Variants in ATP10D observed in about 807,000 individuals in gnomAD.
The protein encoded by ATP10D is phospholipid-transporting ATPase VD.
In ATP10D, 89 loss-of-function variants were observed where a neutral mutation model predicts 144.8. The observed-to-expected ratio is 0.61, with a 90% CI of 0.52 to 0.73. The LOEUF (loss-of-function observed/expected upper bound fraction) is 0.73, where lower values mean the gene tolerates loss of function less well. Ranked by LOEUF, ATP10D falls within the 30% of genes least tolerant of loss-of-function variation. The probability of loss-of-function intolerance (pLI) is 0.00; values close to 1 mark genes in which losing one functional copy is unlikely to be tolerated. For missense variants in ATP10D, 1,603 were observed against 1,714.8 expected, an observed-to-expected ratio of 0.93 and a Z score of 1.15; for synonymous variants, 571 against 615.1, an observed-to-expected ratio of 0.93 and a Z score of 1.06.
chr4:47,556,009 C>T (rs1718976352), intron 11 of ATP10D, among the ~76,000 whole-genome samples: 1 of 152,212 alleles, frequency 6.6e-6, no homozygotes, highest in Admixed American at 6.5e-5. Context: ...CTGCCTTGGC[C>T]TCCCAGAGTG....
At chr4:47,549,656 A>G (rs532334095) in intron 10 of ATP10D, among the ~76,000 whole-genome samples, 143 of 152,380 alleles carry the variant, frequency 9.4e-4, no homozygotes, top group Non-Finnish European at 1.6e-3. Flanking sequence ...ATGAATAATT[A>G]TAAACCTGTA....
chr4:47,561,319 T>C (rs969747670), intron 14 of ATP10D, among the ~76,000 whole-genome samples: 8 of 152,330 alleles, frequency 5.3e-5, no homozygotes, highest in African/African-American at 1.9e-4. Flanking sequence ...ATCCAACACT[T>C]AACATAGACT....
intron 19 of ATP10D, chr4:47,578,251 T>A (rs562609019): frequency 6.6e-6 from 1 of 152,366 alleles, no homozygotes; most frequent in Admixed American, 6.5e-5. Flanking sequence ...TTATGTTTTA[T>A]GCTTGGGTCG....
rs1296403865 is a variant in ATP10D at position 47,489,755 on chromosome 4, C to T, written c.-38+4236C>T. Among the ~76,000 whole-genome samples, 83 of 152,174 alleles carry T rather than the reference C, an allele frequency of 5.5e-4. 2 individuals are homozygous for T. The highest frequency in any genetic ancestry group is 5.4e-3 in the Admixed American group (83 of 15,272). On this transcript the variant is annotated intron_variant, in intron 1 of 22. Coordinates refer to ENST00000273859, the MANE Select transcript of ATP10D (RefSeq NM_020453.4). ...GAAATCACAAAACAAAGCTATTCTGCTCACATTCACTGTTTCGCCTCCACC... is the reference window on the plus strand; with the variant it reads ...GAAATCACAAAACAAAGCTATTCTGTTCACATTCACTGTTTCGCCTCCACC...
chr4:47,584,529 A>G (rs1051914599), intron 21 of ATP10D, among the ~76,000 whole-genome samples: 6 of 152,008 alleles, frequency 3.9e-5, no homozygotes, highest in African/African-American at 1.5e-4. Flanking sequence ...AGTAGCTGGG[A>G]CTACAGGCGC....
chr4:47,576,076 C>T (rs932312156), intron 18 of ATP10D, among the ~76,000 whole-genome samples: 2 of 150,722 alleles, frequency 1.3e-5, no homozygotes, highest in African/African-American at 2.4e-5. Flanking sequence ...GGACTACAGG[C>T]GCCCGCCACT....
At chr4:47,562,176 T>G (rs552011962) in intron 14 of ATP10D, among the ~76,000 whole-genome samples, 1 of 152,236 alleles carries the variant, frequency 6.6e-6, no homozygotes, top group Non-Finnish European at 1.5e-5. Context: ...TGCAGAAATA[T>G]TAATATGCTT....
chr4:47,493,603 G>T (rs1471206282), intron 1 of ATP10D, among the ~76,000 whole-genome samples: 2 of 152,168 alleles, frequency 1.3e-5, no homozygotes, highest in Admixed American at 1.3e-4. Context: ...TTTACCATGG[G>T]TTTATGAATG....
At chr4:47,574,029 G>A (rs890564185) in intron 18 of ATP10D, among the ~76,000 whole-genome samples, 8 of 152,192 alleles carry the variant, frequency 5.3e-5, no homozygotes, top group African/African-American at 1.9e-4. Flanking sequence ...GCCTGAGTAT[G>A]TGCTTCTAGG....
chr4:47,513,041 A>G (rs1033250074), intron 2 of ATP10D, among the ~76,000 whole-genome samples: 3 of 152,226 alleles, frequency 2.0e-5, no homozygotes, highest in African/African-American at 7.2e-5. Flanking sequence ...ACCAGAAAAG[A>G]TATTGTAATT....
Position 47,563,697 on chromosome 4 carries a change from A to G in ATP10D, c.2785A>G (p.Asn929Asp), listed in dbSNP as rs761045453. 6.2e-6 allele frequency: 10 copies of G among 1,613,986 alleles called. No homozygotes were observed. The highest frequency in any genetic ancestry group is 8.5e-6 in the Non-Finnish European group (10 of 1,179,972). ...AGGGGACAAGCAGGAGACAGCTGTC[A>G]ACATAGCTTATGCATGCAAACTACT... is the stretch of plus-strand genomic sequence containing the variant. ...LTGDKQETAV[N>D]IAYACKLLEP... The change falls in exon 15 of 23, where the codon AAC (asparagine) becomes GAC (aspartate). Residue 929 changes from asparagine to aspartate, a missense_variant. Transcript: ENST00000273859.
chr4:47,585,906 C>T (rs1720765739), intron 21 of ATP10D, among the ~76,000 whole-genome samples: 1 of 152,176 alleles, frequency 6.6e-6, no homozygotes, highest in Admixed American at 6.5e-5. Context: ...TTGATGAACA[C>T]TTAGGTGGCT....
chr4:47,540,308 A>C (rs1205266581), intron 9 of ATP10D, among the ~76,000 whole-genome samples: 1 of 152,186 alleles, frequency 6.6e-6, no homozygotes, highest in African/African-American at 2.4e-5. Context: ...ATGGAATTGC[A>C]CTAAACACAC....
Position 47,546,853 on chromosome 4 carries a change from T to C in ATP10D, c.1626T>C (p.Ser542=), listed in dbSNP as rs1233815687. ...CTCATTCCAGACAGGCTGCTTTCAG[T>C]AGCCCCATTGTAAGTATGAATGCAT... The part of the protein sequence containing the change: ...EVPHSRQAAF[S]SPIETDVVPD... Residue 542 remains serine (S), a synonymous_variant, in exon 10 of 23, where the codon AGT becomes AGC. Coordinates refer to ENST00000273859, the MANE Select transcript of ATP10D (RefSeq NM_020453.4). The C allele has an allele frequency of 6.2e-7, 1 of 1,611,818 alleles. No homozygotes were observed. Among genetic ancestry groups the C allele is most frequent in the East Asian group, 2.2e-5 (1 of 44,876 alleles).
At position 47,536,744 on chromosome 4, in the gene ATP10D, A is replaced by G. The variant is rs1354032805; in HGVS notation, c.1202A>G (p.Tyr401Cys). The change falls in exon 9 of 23, where the codon TAT becomes TGT. Residue 401 changes from tyrosine (Y) to cysteine (C), a missense_variant. By Grantham distance (194) the Tyr-to-Cys change is radical. Transcript: ENST00000273859. The part of the protein sequence containing the change: ...SIEIVKLGQI[Y>C]FIQSDVDFYN... ...GAAATTGTGAAGCTTGGACAAATAT[A>G]TTTCATTCAAAGTGATGTGGATTTC... 5 of 1,613,244 alleles carry G rather than the reference A, an allele frequency of 3.1e-6. No homozygotes were observed. The highest frequency in any genetic ancestry group is 4.2e-6 in the Non-Finnish European group (5 of 1,179,660).
chr4:47,556,560 A>AG, intron 11 of ATP10D, among the ~76,000 whole-genome samples: 1 of 152,322 alleles, frequency 6.6e-6, no homozygotes, highest in African/African-American at 2.4e-5. Context: ...TAAGAGTCTA[A>AG]GCCTCATGGT....
At chr4:47,499,405 A>G (rs6841970) in intron 1 of ATP10D, among the ~76,000 whole-genome samples, 24,556 of 152,230 alleles carry the variant, frequency 0.16, 2,344 homozygotes, top group African/African-American at 0.26. Flanking sequence ...TTTATCTTCT[A>G]CTTCCTGAAG....
At chr4:47,546,138 G>C (rs189901984) in intron 9 of ATP10D, among the ~76,000 whole-genome samples, 1 of 152,356 alleles carries the variant, frequency 6.6e-6, no homozygotes, top group African/African-American at 2.4e-5. Flanking sequence ...AAGGATGGAC[G>C]TGATCATTGG....
At chr4:47,567,894 T>C (rs6817957) in intron 15 of ATP10D, among the ~76,000 whole-genome samples, 67,566 of 152,120 alleles carry the variant, frequency 0.44, 15,492 homozygotes, top group East Asian at 0.7. Context: ...CAAACAAGCT[T>C]TGAGTGAGAG....
Sources: gnomAD v4.1 joint callset for allele counts (sites outside exome capture counted in the v4.1 genomes callset) on GRCh38, gnomAD v4.1.1 for gene constraint, MANE v1.5 for transcripts, NCBI Gene and HGNC (gene_info 2026-07-23, HGNC 2026-07-21) for gene names.